ACOX3: variants seen among roughly 807,000 people sequenced by gnomAD.
ACOX3 encodes the protein acyl-CoA oxidase 3, pristanoyl, also known as peroxisomal acyl-coenzyme A oxidase 3.
In ACOX3, 73 loss-of-function variants were observed where a neutral mutation model predicts 81.5. The observed-to-expected ratio is 0.90, with a 90% CI of 0.74 to 1.09. The LOEUF is 1.09. Ranked by LOEUF, ACOX3 falls within the 50% of genes least tolerant of loss-of-function variation. The pLI, the probability that ACOX3 is intolerant of heterozygous loss-of-function variation, is 0.00. For synonymous variants in ACOX3, 387 were observed against 375.1 expected, an observed-to-expected ratio of 1.03 and a Z score of -0.37; for missense variants, 947 against 928.0, an observed-to-expected ratio of 1.02 and a Z score of -0.27.
chr4:8,358,921 T>G, the ACOX3 span, among the ~76,000 whole-genome samples: 1 of 152,202 alleles, frequency 6.6e-6, no homozygotes, highest in Non-Finnish European at 1.5e-5. Flanking sequence ...TTGCTTTCAC[T>G]TCATGAACTT....
rs1271281682 is a variant in ACOX3, at chr4:8,398,479, T to G, written c.873+1077A>C. Among the ~76,000 whole-genome samples, 4 of 152,228 alleles carry G rather than the reference T, an allele frequency of 2.6e-5. 1 individual carries two copies. Among genetic ancestry groups the G allele is most frequent in the Admixed American group, 2.6e-4 (4 of 15,288 alleles). ...TCTCCTTTATTTCTCTAAACTTCAT[T>G]TCTTTCTTTCCTTCTCTTTTGAGAC... On this transcript the variant is annotated intron_variant, in intron 8 of 17. Coordinates refer to ENST00000356406, the MANE Select transcript of ACOX3 (RefSeq NM_003501.3).
chr4:8,389,869 C>T lies in ACOX3; in HGVS notation c.1301-135G>A. On this transcript the variant is annotated intron_variant, in intron 11 of 17. Coordinates refer to ENST00000356406, the MANE Select transcript of ACOX3 (RefSeq NM_003501.3). The surrounding 1 kb of genome is among the most constrained non-coding windows in gnomAD (Gnocchi z 5.3). The stretch of plus-strand genomic sequence containing the variant: ...CCTGTAATGGCAGCACTTTGGGGGG[C>T]CGAGGCGGGTGGATCACTTGAAGCC... 2 of 1,189,588 alleles carry T rather than the reference C, an allele frequency of 1.7e-6. No individual in the cohort carries two copies. The allele number at this position is 1,189,588 out of a possible 1,614,324, so 73.7% of individuals were successfully genotyped here.
At position 8,432,944 on chromosome 4, in the gene ACOX3, A is replaced by G. The variant is rs1302616556; in HGVS notation, c.-15+7704T>C. 6.6e-6 allele frequency among the ~76,000 whole-genome samples: 1 copy of G among 152,256 alleles called. No homozygotes were observed. The highest frequency in any genetic ancestry group is 2.4e-5 in the African/African-American group (1 of 41,476). ...TAATTTAAATCAGTTCCCTAGTTGCACTAGCTGCACTCAAGTGTGGGTCAG... is the reference window on the plus strand; with the variant it reads ...TAATTTAAATCAGTTCCCTAGTTGCGCTAGCTGCACTCAAGTGTGGGTCAG... On this transcript the variant is annotated intron_variant, in intron 1 of 17. Coordinates refer to ENST00000356406, the MANE Select transcript of ACOX3 (RefSeq NM_003501.3). The surrounding 1 kb of genome is among the most constrained non-coding windows in gnomAD (Gnocchi z 6.2).
chr4:8,384,245 T>C lies in ACOX3; in HGVS notation c.1538-2638A>G, dbSNP rs1026938769. On this transcript the variant is annotated intron_variant, in intron 13 of 17. Coordinates refer to ENST00000356406, the MANE Select transcript of ACOX3 (RefSeq NM_003501.3). This position sits in a 1 kb window ranked among gnomAD's most constrained non-coding sequence, Gnocchi z 5.3. ...TGTGTTTTTTCCTTACACTCTACTT[T>C]TGGTTCTTGGTTTTTCGTGAAAAAA... Among the ~76,000 whole-genome samples the C allele has an allele frequency of 6.6e-6, 1 of 152,194 alleles. No individual in the cohort carries two copies. Among genetic ancestry groups the C allele is most frequent in the African/African-American group, 2.4e-5 (1 of 41,452 alleles).
chr4:8,365,883 G>T (rs1715389301), downstream of ACOX3, among the ~76,000 whole-genome samples: 1 of 152,170 alleles, frequency 6.6e-6, no homozygotes, highest in Admixed American at 6.5e-5. Context: ...TGGGCTACCT[G>T]GAAAAATAAG....
the ACOX3 span, chr4:8,356,231 A>G: frequency 6.3e-6 from 2 of 315,968 alleles, no homozygotes; most frequent in African/African-American, 2.2e-5. Flanking sequence ...CATCCAATAG[A>G]CAGTGTAGCT....
At chr4:8,359,518 T>C in the ACOX3 span, among the ~76,000 whole-genome samples, 1 of 152,190 alleles carries the variant, frequency 6.6e-6, no homozygotes, top group Non-Finnish European at 1.5e-5. This position sits in a 1 kb window ranked among gnomAD's most constrained non-coding sequence, Gnocchi z 6.0. Flanking sequence ...TTTGGCACTA[T>C]GGGATGTTAA....
In ACOX3 at chr4:8,399,658, G is replaced by C. The variant is rs368496426; in HGVS notation, c.777-6C>G. On this transcript the variant is annotated splice_region_variant and splice_polypyrimidine_tract_variant and intron_variant, in intron 7 of 17. Transcript: ENST00000356406. This position sits in a 1 kb window ranked among gnomAD's most constrained non-coding sequence, Gnocchi z 4.9. ...CCTTGTGGAACATGGCGAAACTGTG[G>C]GGAAGCAGCAGGGCTTCTGTTAAAC... 3 of 1,613,404 alleles carry C rather than the reference G, an allele frequency of 1.9e-6. No homozygotes were observed. In the East Asian group the frequency reaches 6.7e-5, roughly 36 times the overall value.
chr4:8,417,714 T>C (rs1041650778), intron 1 of ACOX3, among the ~76,000 whole-genome samples: 14 of 152,176 alleles, frequency 9.2e-5, no homozygotes, highest in African/African-American at 3.1e-4. Flanking sequence ...AGAGCAACTG[T>C]GAATGAAACA....
chr4:8,362,079 TG>T (rs2108769430), downstream of ACOX3, among the ~76,000 whole-genome samples: 1 of 152,360 alleles, frequency 6.6e-6, no homozygotes, highest in African/African-American at 2.4e-5. Flanking sequence ...ATTGTTATCT[TG>T]TTTTAATCCT....
At chr4:8,401,350 A>G (rs1390668607) in intron 7 of ACOX3, among the ~76,000 whole-genome samples, 6 of 152,182 alleles carry the variant, frequency 3.9e-5, no homozygotes, top group Admixed American at 2.0e-4. Context: ...CACATGCTGG[A>G]AGGGAACCAG....
intron 7 of ACOX3, among the ~76,000 whole-genome samples, chr4:8,404,146 C>T (rs2108922547): frequency 6.6e-6 from 1 of 152,376 alleles, no homozygotes; most frequent in East Asian, 1.9e-4. Context: ...AGCCGCATTA[C>T]ATCCTCCAGA....
intron 14 of ACOX3, among the ~76,000 whole-genome samples, chr4:8,379,961 A>C (rs2108818147): frequency 6.6e-6 from 1 of 151,986 alleles, no homozygotes; most frequent in East Asian, 2.0e-4. Context: ...ATTCCACCTT[A>C]ACGCAAGGAT....
chr4:8,389,582 C>A lies in ACOX3; in HGVS notation c.1423+30G>T, dbSNP rs750792736. On this transcript the variant is annotated intron_variant, in intron 12 of 17. Coordinates refer to ENST00000356406, the MANE Select transcript of ACOX3 (RefSeq NM_003501.3). This position sits in a 1 kb window ranked among gnomAD's most constrained non-coding sequence, Gnocchi z 5.3. ...CACCCCTGCCCCAGTTGGGTTCCAGCGCCCCCACCAGTGTGCAGCAGAGCC... is the reference window on the plus strand; with the variant it reads ...CACCCCTGCCCCAGTTGGGTTCCAGAGCCCCCACCAGTGTGCAGCAGAGCC... 4 of 1,612,248 alleles carry A rather than the reference C, an allele frequency of 2.5e-6. No homozygotes were observed. The East Asian group carries it at 6.7e-5, about 27-fold the overall frequency.
downstream of ACOX3, among the ~76,000 whole-genome samples, chr4:8,363,156 A>C (rs114069884): frequency 9.8e-3 from 1,498 of 152,318 alleles, 24 homozygotes; most frequent in African/African-American, 0.034. Context: ...GATAATGTAA[A>C]CATCTGGATC....
At chr4:8,392,584 G>C in intron 10 of ACOX3, 131 bp from the exon 11 acceptor site, 7 of 1,046,140 alleles carry the variant, frequency 6.7e-6, no homozygotes, top group Non-Finnish European at 9.2e-6. Flanking sequence ...AATGACAGAA[G>C]AGGAAACCTA....
chr4:8,381,569 G>C lies in ACOX3; in HGVS notation c.1576C>G (p.Leu526Val), dbSNP rs1471517343. The C allele has an allele frequency of 1.2e-6, 2 of 1,613,982 alleles. No homozygotes were observed. The highest frequency in any genetic ancestry group is 1.7e-6 in the Non-Finnish European group (2 of 1,179,978). The change falls in exon 14 of 18, where the codon CTC becomes GTC. Residue 526 changes from leucine to valine, a missense_variant. Leu to Val is a conservative substitution (Grantham distance 32, BLOSUM62 1). Coordinates refer to ENST00000356406, the MANE Select transcript of ACOX3 (RefSeq NM_003501.3). The surrounding 1 kb of genome is among the most constrained non-coding windows in gnomAD (Gnocchi z 4.3). ...TTTAATTTTTGATAAGTCTCTCGGA[G>C]CAGGTAGCAAACCAGCCACTTGTAT... is the stretch of plus-strand genomic sequence containing the variant. ...AAYKWLVCYL[L>V]RETYQKLNQE...
chr4:8,408,891 T>TGGCGGGGG (rs1560193586), intron 6 of ACOX3, among the ~76,000 whole-genome samples: 1 of 25,790 alleles, frequency 3.9e-5, no homozygotes, highest in Non-Finnish European at 6.2e-5. Flanking sequence ...GAGCCCTCAC[T>TGGCGGGGG]GGGGGGGGGG....
chr4:8,361,030 T>C, the ACOX3 span, among the ~76,000 whole-genome samples: 1 of 152,194 alleles, frequency 6.6e-6, no homozygotes, highest in Non-Finnish European at 1.5e-5. Context: ...AAAACAGTTT[T>C]ACATGCAAGA....
Sources: allele counts gnomAD v4.1 joint callset (sites outside exome capture counted in the v4.1 genomes callset), GRCh38; gene constraint gnomAD v4.1.1; non-coding constraint Gnocchi (gnomAD v3.1); transcripts MANE v1.5; gene names NCBI Gene and HGNC (gene_info 2026-07-23, HGNC 2026-07-21).